OCIAD1: variants seen among roughly 807,000 people sequenced by gnomAD.
The protein encoded by OCIAD1 is OCIA domain-containing protein 1.
OCIAD1 carries 29 observed loss-of-function variants against 38.9 expected under a neutral mutation model. The ratio of observed to expected loss-of-function variants is 0.74; its 90% CI spans 0.55 to 1.02. The LOEUF (loss-of-function observed/expected upper bound fraction) is 1.02, where lower values mean the gene tolerates loss of function less well. OCIAD1 is among the 50% of genes least tolerant of loss of function. The pLI, the probability that OCIAD1 is intolerant of heterozygous loss-of-function variation, is 0.00. For missense variants in OCIAD1, 288 were observed against 289.6 expected, an observed-to-expected ratio of 0.99 and a Z score of 0.04; for synonymous variants, 110 against 92.0, an observed-to-expected ratio of 1.20 and a Z score of -1.12.
intron 1 of OCIAD1, among the ~76,000 whole-genome samples, chr4:48,811,229 A>C (rs567940749): frequency 6.6e-6 from 1 of 152,272 alleles, no homozygotes; most frequent in South Asian, 2.1e-4. Context: ...AACTTATTGC[A>C]GAAGTCCCCT....
At chr4:48,808,037 A>T (rs1211113499) in intron 1 of OCIAD1, among the ~76,000 whole-genome samples, 5 of 152,238 alleles carry the variant, frequency 3.3e-5, no homozygotes, top group Admixed American at 3.3e-4. Context: ...AGGGGACCTA[A>T]GCATACTCAG....
chr4:48,838,272 C>T (rs548706927), intron 3 of OCIAD1, among the ~76,000 whole-genome samples: 3 of 150,426 alleles, frequency 2.0e-5, no homozygotes, highest in East Asian at 1.9e-4. Context: ...AAGCCAAGAT[C>T]GTGCCACTGC....
rs1779294019 is a variant in OCIAD1, at chr4:48,850,042, G to A, written c.337G>A (p.Ala113Thr). 6.2e-7 allele frequency: 1 copy of A among 1,613,490 alleles called. No homozygotes were observed. The highest frequency in any genetic ancestry group is 8.5e-7 in the Non-Finnish European group (1 of 1,179,890). Residue 113 changes from alanine to threonine, a missense_variant, in exon 6 of 9, where the codon GCT (alanine) becomes ACT (threonine). Transcript: ENST00000264312. ...ACTTGAAAATTCCCCCCTTGGAGAAGCTTTACGATCAGGACAAGCACGACG... is the reference window on the plus strand; with the variant it reads ...ACTTGAAAATTCCCCCCTTGGAGAAACTTTACGATCAGGACAAGCACGACG... ...KKLENSPLGE[A>T]LRSGQARRSS...
chr4:48,844,246 G>A (rs1056695365), intron 4 of OCIAD1, among the ~76,000 whole-genome samples: 1 of 152,148 alleles, frequency 6.6e-6, no homozygotes, highest in Non-Finnish European at 1.5e-5. Context: ...CCATTAAATA[G>A]CTGAAGTAGA....
At chr4:48,857,015 TAAA>T in intron 7 of OCIAD1, 195 bp from the exon 8 acceptor site, 1 of 308,582 alleles carries the variant, frequency 3.2e-6, no homozygotes, top group East Asian at 5.2e-5. Flanking sequence ...AATAAAAGCT[TAAA>T]AATATGGGTG....
chr4:48,852,804 G>A (rs1267551089), intron 7 of OCIAD1, among the ~76,000 whole-genome samples: 1 of 151,812 alleles, frequency 6.6e-6, no homozygotes, highest in African/African-American at 2.4e-5. Flanking sequence ...AATTAGAAAC[G>A]GGAAATACAG....
chr4:48,850,345 A>G (rs192706442), intron 6 of OCIAD1, among the ~76,000 whole-genome samples: 1 of 152,160 alleles, frequency 6.6e-6, no homozygotes, highest in East Asian at 1.9e-4. Flanking sequence ...TGCAGCCTCA[A>G]ACTCCTGGGT....
chr4:48,842,403 G>T (rs1778615356), intron 3 of OCIAD1, among the ~76,000 whole-genome samples: 1 of 152,100 alleles, frequency 6.6e-6, no homozygotes, highest in South Asian at 2.1e-4. Flanking sequence ...AGCCTAGATG[G>T]TTCATGAATT....
chr4:48,851,801 TACAGGC>T lies in OCIAD1; in HGVS notation c.378-2_381del. ...TTCTTACTACAATATGATTTTCATT[TACAGGC>T]ACTATTATCAAAAGTCAAAATATGA... On this transcript the variant is annotated splice_acceptor_variant and splice_polypyrimidine_tract_variant and coding_sequence_variant and intron_variant, in exon 7 of 9. Coordinates refer to ENST00000264312, the MANE Select transcript of OCIAD1 (RefSeq NM_017830.4). LOFTEE classifies it high-confidence loss of function. The T allele has an allele frequency of 6.4e-7, 1 of 1,558,232 alleles. No individual in the cohort carries two copies. Among genetic ancestry groups the T allele is most frequent in the Non-Finnish European group, 8.8e-7 (1 of 1,130,346 alleles).
At chr4:48,808,830 A>G (rs933984168) in intron 1 of OCIAD1, among the ~76,000 whole-genome samples, 1 of 152,200 alleles carries the variant, frequency 6.6e-6, no homozygotes, top group African/African-American at 2.4e-5. Context: ...CTCAGCTGAT[A>G]TACTTCTCTC....
intron 1 of OCIAD1, among the ~76,000 whole-genome samples, chr4:48,822,209 G>A (rs569440227): frequency 1.2e-4 from 19 of 152,230 alleles, no homozygotes; most frequent in South Asian, 4.2e-4. Flanking sequence ...ATAGACAAAC[G>A]GAACAGAACA....
chr4:48,857,664 C>G (rs1246221749), intron 8 of OCIAD1, among the ~76,000 whole-genome samples: 1 of 151,850 alleles, frequency 6.6e-6, no homozygotes, highest in African/African-American at 2.4e-5. Context: ...GGACTACAGG[C>G]CCCCACGCCC....
chr4:48,831,157 C>G lies in OCIAD1; in HGVS notation c.-98C>G, dbSNP rs1399885475. ...CCTCCCCGCGGTACCTTGCACTTTTCTCCCTCCCTGCCCCCTCTCGAGTCC... is the reference window on the plus strand; with the variant it reads ...CCTCCCCGCGGTACCTTGCACTTTTGTCCCTCCCTGCCCCCTCTCGAGTCC... On this transcript the variant is annotated 5_prime_UTR_variant, in exon 1 of 9. Transcript: ENST00000264312. The G allele has an allele frequency of 3.3e-6, 1 of 302,098 alleles. No homozygotes were observed. The highest frequency in any genetic ancestry group is 6.6e-6 in the Non-Finnish European group (1 of 150,662). 18.7% of individuals were successfully genotyped at this position (302,098 alleles called of 1,614,324 possible). A position where few individuals can be genotyped will look rare whatever the true frequency, so the allele number is the denominator to read the frequency against.
chr4:48,832,379 G>A (rs182916171), intron 1 of OCIAD1, among the ~76,000 whole-genome samples: 140 of 152,206 alleles, frequency 9.2e-4, no homozygotes, highest in African/African-American at 3.2e-3. Flanking sequence ...CTTATAAAAC[G>A]CATATGCTTT....
chr4:48,807,614 A>G lies in OCIAD1; in HGVS notation c.-103+2284A>G, dbSNP rs554115588. 1.3e-4 allele frequency among the ~76,000 whole-genome samples: 20 copies of G among 152,212 alleles called. No individual in the cohort carries two copies. In the East Asian group the frequency reaches 3.9e-3, roughly 29 times the overall value. ...TTCTTTCTTGCCTTTTTTTAAAAGT[A>G]TGTTTCTTGATCTCTTCTTTCCATC... On this transcript the variant is annotated intron_variant, in intron 1 of 6. Coordinates refer to the OCIAD1 transcript ENST00000504654.
At chr4:48,857,827 A>G (rs1199591903) in intron 8 of OCIAD1, among the ~76,000 whole-genome samples, 1 of 152,036 alleles carries the variant, frequency 6.6e-6, no homozygotes, top group African/African-American at 2.4e-5. Flanking sequence ...TTCCATTTTT[A>G]AGGTGTTCCA....
intron 4 of OCIAD1, among the ~76,000 whole-genome samples, chr4:48,844,969 T>C (rs1209209553): frequency 6.6e-6 from 1 of 152,188 alleles, no homozygotes; most frequent in African/African-American, 2.4e-5. Context: ...CAGTTTTTTT[T>C]TTCCTAAATA....
intron 1 of OCIAD1, among the ~76,000 whole-genome samples, chr4:48,810,683 G>GAAAAAAATT (rs1553893583): frequency 6.6e-6 from 1 of 151,638 alleles, no homozygotes; most frequent in Non-Finnish European, 1.5e-5. Flanking sequence ...ATGCATCAGG[G>GAAAAAAATT]AAAAAAATTA....
intron 1 of OCIAD1, among the ~76,000 whole-genome samples, chr4:48,817,300 G>A (rs752760511): frequency 2.0e-5 from 3 of 152,166 alleles, no homozygotes; most frequent in Non-Finnish European, 2.9e-5. Flanking sequence ...ATTCCTACCG[G>A]GGCCCTGGGT....
Sources: gnomAD v4.1 joint callset for allele counts (sites outside exome capture counted in the v4.1 genomes callset) on GRCh38, gnomAD v4.1.1 for gene constraint, MANE v1.5 for transcripts, NCBI Gene and HGNC (gene_info 2026-07-23, HGNC 2026-07-21) for gene names.